Variants in EYS observed in about 807,000 individuals in gnomAD.
The protein encoded by EYS is protein eyes shut homolog.
EYS carries 250 observed loss-of-function variants against 282.1 expected under a neutral mutation model. The observed-to-expected ratio is 0.89, with a 90% CI of 0.80 to 0.98. The LOEUF (loss-of-function observed/expected upper bound fraction) is 0.98. Ranked by LOEUF, EYS falls within the 50% of genes least tolerant of loss-of-function variation. The probability of loss-of-function intolerance (pLI) is 0.00; values close to 1 mark genes in which losing one functional copy is unlikely to be tolerated. For synonymous variants in EYS, 1,355 were observed against 1,282.9 expected, an observed-to-expected ratio of 1.06 and a Z score of -1.20; for missense variants, 4,016 against 3,709.0, an observed-to-expected ratio of 1.08 and a Z score of -2.15.
intron 19 of EYS, among the ~76,000 whole-genome samples, chr6:64,859,816 T>A (rs1053082077): frequency 2.6e-5 from 4 of 152,218 alleles, no homozygotes; most frequent in African/African-American, 9.6e-5. Context: ...ACAAATGTTA[T>A]TGATAGAAAT....
At chr6:64,206,572 A>G (rs1765614712) in intron 31 of EYS, among the ~76,000 whole-genome samples, 1 of 152,184 alleles carries the variant, frequency 6.6e-6, no homozygotes, top group African/African-American at 2.4e-5. Flanking sequence ...GAATTTTATG[A>G]TATGTGAAAA....
At chr6:65,041,146 A>C (rs1156505925) in intron 13 of EYS, among the ~76,000 whole-genome samples, 1 of 151,716 alleles carries the variant, frequency 6.6e-6, no homozygotes, top group African/African-American at 2.4e-5. Flanking sequence ...AAAGTTAAGC[A>C]GAGACAGAAA....
intron 22 of EYS, among the ~76,000 whole-genome samples, chr6:64,797,719 G>A (rs11970713): frequency 0.037 from 5,618 of 151,840 alleles, 359 homozygotes; most frequent in African/African-American, 0.13. Context: ...TTTATTTCCC[G>A]TAAATACTTT....
At chr6:63,762,657 T>A (rs775789604) in intron 40 of EYS, 24 bp from the exon 41 acceptor site, 1 of 1,547,014 alleles carries the variant, frequency 6.5e-7, no homozygotes, top group African/African-American at 1.4e-5. Flanking sequence ...GAAAGCCGCA[T>A]GGTTTGAGCA....
At chr6:65,545,417 G>A (rs1300929611) in intron 2 of EYS, among the ~76,000 whole-genome samples, 4 of 151,970 alleles carry the variant, frequency 2.6e-5, no homozygotes, top group Admixed American at 1.3e-4. Flanking sequence ...ATTTTATGGA[G>A]CTTGATATGA....
chr6:63,727,737 A>AAAATAT (rs1554164607), intron 41 of EYS, among the ~76,000 whole-genome samples: 3 of 36,724 alleles, frequency 8.2e-5, no homozygotes, highest in Admixed American at 3.9e-4. Context: ...AAAAAAAAAA[A>AAAATAT]ATATATATAT....
intron 19 of EYS, among the ~76,000 whole-genome samples, chr6:64,843,343 A>T: frequency 6.6e-6 from 1 of 152,146 alleles, no homozygotes; most frequent in African/African-American, 2.4e-5. Context: ...GACAGCTTGC[A>T]CAGTAGACCT....
intron 34 of EYS, among the ~76,000 whole-genome samples, chr6:63,984,949 A>C (rs182220052): frequency 1.6e-3 from 239 of 151,902 alleles, no homozygotes; most frequent in South Asian, 2.9e-3. Flanking sequence ...AAAAAAGAAA[A>C]TAAAGCCATG....
intron 29 of EYS, among the ~76,000 whole-genome samples, chr6:64,344,790 C>G (rs1397926149): frequency 1.3e-5 from 2 of 151,954 alleles, no homozygotes; most frequent in Non-Finnish European, 2.9e-5. Context: ...GATTTTATAT[C>G]TAGAAAACCC....
chr6:65,529,902 G>T (rs961688026), intron 2 of EYS, among the ~76,000 whole-genome samples: 5 of 152,086 alleles, frequency 3.3e-5, no homozygotes, highest in African/African-American at 1.2e-4. Context: ...TTTGATCTTG[G>T]AATTCCAGCC....
intron 30 of EYS, among the ~76,000 whole-genome samples, chr6:64,306,006 A>G (rs1035937658): frequency 6.6e-6 from 1 of 152,234 alleles, no homozygotes; most frequent in African/African-American, 2.4e-5. Flanking sequence ...TTCAGAATAT[A>G]TAGAGAACTC....
chr6:65,373,448 A>G (rs1765237271), intron 8 of EYS, among the ~76,000 whole-genome samples: 2 of 151,992 alleles, frequency 1.3e-5, no homozygotes, highest in Admixed American at 1.3e-4. Context: ...TGCTCCTGAT[A>G]TATAATATTT....
chr6:64,802,781 A>C (rs1764289522), intron 22 of EYS, among the ~76,000 whole-genome samples: 1 of 152,200 alleles, frequency 6.6e-6, no homozygotes, highest in African/African-American at 2.4e-5. Context: ...TTCATGTAAA[A>C]AGATTTTATG....
At chr6:64,138,893 CCA>C (rs1159598987) in intron 31 of EYS, among the ~76,000 whole-genome samples, 2 of 152,208 alleles carry the variant, frequency 1.3e-5, no homozygotes, top group Non-Finnish European at 2.9e-5. Flanking sequence ...GCCTAGTGTT[CCA>C]TTATTGGAAT....
intron 1 of EYS, among the ~76,000 whole-genome samples, chr6:65,700,086 G>C (rs1220030901): frequency 7.7e-6 from 1 of 129,468 alleles, no homozygotes; most frequent in African/African-American, 2.9e-5. Context: ...CTGCACTCCA[G>C]GCTGGGTGAC....
At chr6:65,159,566 A>G (rs996129450) in intron 12 of EYS, among the ~76,000 whole-genome samples, 2 of 150,810 alleles carry the variant, frequency 1.3e-5, no homozygotes, top group African/African-American at 4.8e-5. Flanking sequence ...TTCAGTTACC[A>G]GTAACCTCTA....
intron 35 of EYS, among the ~76,000 whole-genome samples, chr6:63,906,512 T>C (rs6931367): frequency 0.16 from 23,620 of 152,216 alleles, 2,117 homozygotes; most frequent in African/African-American, 0.25. Flanking sequence ...AGCCTCTAAA[T>C]ACATACATTT....
intron 2 of EYS, among the ~76,000 whole-genome samples, chr6:65,527,399 C>G (rs1044339531): frequency 6.6e-6 from 1 of 152,168 alleles, no homozygotes; most frequent in African/African-American, 2.4e-5. Context: ...TATAGGCCCA[C>G]ACAGGACAGC....
intron 11 of EYS, among the ~76,000 whole-genome samples, chr6:65,326,900 G>A (rs1235745231): frequency 6.6e-6 from 1 of 151,372 alleles, no homozygotes; most frequent in Non-Finnish European, 1.5e-5. Flanking sequence ...TTTGTCAGTA[G>A]ACCACAAAAT....
Sources: allele counts gnomAD v4.1 joint callset (sites outside exome capture counted in the v4.1 genomes callset), GRCh38; gene constraint gnomAD v4.1.1; transcripts MANE v1.5; gene names NCBI Gene and HGNC (gene_info 2026-07-23, HGNC 2026-07-21).